The following CNIH1 variants were observed in gnomAD, a reference collection of about 807,000 sequenced individuals.
The protein encoded by CNIH1 is protein cornichon homolog 1.
CNIH1 carries 12 observed loss-of-function variants against 20.2 expected under a neutral mutation model. The ratio of observed to expected loss-of-function variants is 0.59; its 90% CI spans 0.38 to 0.96. The LOEUF is 0.96. Among genes scored for constraint, CNIH1 ranks in the 40% least tolerant of loss-of-function variants. The probability of loss-of-function intolerance (pLI) is 0.00; values close to 1 mark genes in which losing one functional copy is unlikely to be tolerated. For missense variants in CNIH1, 152 were observed against 178.8 expected (o/e 0.85, Z 0.85); for synonymous variants, 69 against 63.3 (o/e 1.09, Z -0.43).
intron 2 of CNIH1, among the ~76,000 whole-genome samples, chr14:54,435,701 A>G (rs190692180): frequency 1.3e-5 from 2 of 152,342 alleles, no homozygotes; most frequent in Admixed American, 1.3e-4. Flanking sequence ...CAAACCAAAG[A>G]TAAAACTAGA....
intron 3 of CNIH1, among the ~76,000 whole-genome samples, chr14:54,431,220 C>T (rs1242503430): frequency 6.6e-6 from 1 of 151,964 alleles, no homozygotes; most frequent in African/African-American, 2.4e-5. Flanking sequence ...ACTCTGCCTC[C>T]CAGCCTGAAG....
chr14:54,435,947 T>C (rs1477147250), intron 2 of CNIH1: 5 of 592,228 alleles, frequency 8.4e-6, no homozygotes, highest in Non-Finnish European at 1.5e-5. Context: ...AAATATGAAA[T>C]TTCATGAAAT....
intron 1 of CNIH1, among the ~76,000 whole-genome samples, chr14:54,439,333 A>G (rs951241976): frequency 2.6e-5 from 4 of 152,060 alleles, no homozygotes; most frequent in Non-Finnish European, 4.4e-5. Context: ...TACTTCACCC[A>G]GACACGCATT....
rs1157499117 is a variant in CNIH1, at chr14:54,426,463, T to C, written c.*1351A>G. On this transcript the variant is annotated 3_prime_UTR_variant, in exon 5 of 5. Coordinates refer to ENST00000216416, the MANE Select transcript of CNIH1 (RefSeq NM_005776.3). ...ATTGGTTCTCTTTCTTTTGATCCTC[T>C]TCTCAAGAAACTTCCAAACCACTTA... 1 of 152,192 alleles carries C rather than the reference T, an allele frequency of 6.6e-6. No individual in the cohort carries two copies. Among genetic ancestry groups the C allele is most frequent in the African/African-American group, 2.4e-5 (1 of 41,464 alleles). 9.4% of individuals were successfully genotyped at this position (152,192 alleles called of 1,614,324 possible).
At chr14:54,439,428 T>C (rs1453433328) in intron 1 of CNIH1, among the ~76,000 whole-genome samples, 1 of 151,834 alleles carries the variant, frequency 6.6e-6, no homozygotes, top group Non-Finnish European at 1.5e-5. Flanking sequence ...AACGTAAAAA[T>C]GTGAAAAAGC....
chr14:54,441,313 G>T lies in CNIH1; in HGVS notation c.15C>A (p.Phe5Leu). The T allele has an allele frequency of 6.6e-7, 1 of 1,513,888 alleles. No individual in the cohort carries two copies. The highest frequency in any genetic ancestry group is 8.9e-7 in the Non-Finnish European group (1 of 1,126,790). 93.8% of individuals were successfully genotyped at this position (1,513,888 alleles called of 1,614,324 possible). A position where few individuals can be genotyped will look rare whatever the true frequency, so the allele number is the denominator to read the frequency against. MAFTFAAFCYMLALL... is the reference protein window; with the variant it reads MAFTLAAFCYMLALL... ...GCGCCAGCATGTAGCAGAAGGCCGCGAACGTGAACGCCATGGCTGGGGAGG... is the reference window on the plus strand; with the variant it reads ...GCGCCAGCATGTAGCAGAAGGCCGCTAACGTGAACGCCATGGCTGGGGAGG... The change falls in exon 1 of 5, where the codon TTC becomes TTA. Residue 5 changes from phenylalanine to leucine, a missense_variant. By Grantham distance (22) the Phe-to-Leu change is conservative. Transcript: ENST00000216416.
chr14:54,436,078 C>T (rs1449190175), intron 2 of CNIH1: 2 of 702,210 alleles, frequency 2.8e-6, no homozygotes, highest in East Asian at 2.7e-5. Context: ...GCAGTACACA[C>T]CTTTAATGCA....
chr14:54,441,274 G>C lies in CNIH1; in HGVS notation c.54C>G (p.Ala18=), dbSNP rs1300756302. The C allele has an allele frequency of 5.3e-6, 8 of 1,521,096 alleles. No individual in the cohort carries two copies. The highest frequency in any genetic ancestry group is 1.4e-5 in the African/African-American group (1 of 69,824). The allele number at this position is 1,521,096 out of a possible 1,614,324, so 94.2% of individuals were successfully genotyped here. Residue 18 remains alanine (A), a synonymous_variant, in exon 1 of 5, where the codon GCC becomes GCG. Transcript: ENST00000216416. ...FCYMLALLLT[A]ALIFFAIWHI... The stretch of plus-strand genomic sequence containing the variant: ...GCCAAATGGCGAAGAAGATGAGCGC[G>C]GCAGTGAGCAGCAGCGCCAGCATGT...
In CNIH1 at chr14:54,440,479, T is replaced by C. The variant is rs183321647; in HGVS notation, c.81+768A>G. Among the ~76,000 whole-genome samples, 35 of 152,308 alleles carry C rather than the reference T, an allele frequency of 2.3e-4. 1 individual carries two copies. The East Asian group carries it at 6.2e-3, about 27-fold the overall frequency. On this transcript the variant is annotated intron_variant, in intron 1 of 4. Transcript: ENST00000216416. The stretch of plus-strand genomic sequence containing the variant: ...TTCCACCCTGCAATAGTGATGATGA[T>C]GTGTGTAACAGAAATAAATACTGCC...
chr14:54,440,800 T>C (rs999001265), intron 1 of CNIH1, among the ~76,000 whole-genome samples: 1 of 152,248 alleles, frequency 6.6e-6, no homozygotes, highest in Admixed American at 6.5e-5. Context: ...GTAGGTTACA[T>C]TTTGGCCACA....
At chr14:54,441,031 T>C (rs114089220) in intron 1 of CNIH1, among the ~76,000 whole-genome samples, 8,248 of 151,872 alleles carry the variant, frequency 0.054, 516 homozygotes, top group African/African-American at 0.14. Context: ...GCGCGGCCTG[T>C]GCCGAGGCAA....
In CNIH1 at chr14:54,427,544, A is replaced by C; in HGVS notation, c.*270T>G. On this transcript the variant is annotated 3_prime_UTR_variant, in exon 5 of 5. Coordinates refer to ENST00000216416, the MANE Select transcript of CNIH1 (RefSeq NM_005776.3). ...AGAGGATTATGGCTGTTCCTTAAGA[A>C]GTGCAAGTTCAAACCTGTCAACACC... The C allele has an allele frequency of 2.2e-6, 1 of 450,376 alleles. No homozygotes were observed. Among genetic ancestry groups the C allele is most frequent in the Non-Finnish European group, 3.9e-6 (1 of 254,286 alleles). The allele number at this position is 450,376 out of a possible 1,614,324, so 27.9% of individuals were successfully genotyped here.
chr14:54,441,373 A>T lies in CNIH1; in HGVS notation c.-46T>A. 1 of 1,465,016 alleles carries T rather than the reference A, an allele frequency of 6.8e-7. No individual in the cohort carries two copies. The highest frequency in any genetic ancestry group is 9.1e-7 in the Non-Finnish European group (1 of 1,095,622). 90.8% of individuals were successfully genotyped at this position (1,465,016 alleles called of 1,614,324 possible). A position where few individuals can be genotyped will look rare whatever the true frequency, so the allele number is the denominator to read the frequency against. On this transcript the variant is annotated 5_prime_UTR_variant, in exon 1 of 5. Coordinates refer to ENST00000216416, the MANE Select transcript of CNIH1 (RefSeq NM_005776.3). ...GAGCGGCGCCGTTGCCAGCGGAGAA[A>T]GGCGGCGCAGGGCCCTCTGGGTAAA...
chr14:54,440,708 A>G (rs1464139137), intron 1 of CNIH1, among the ~76,000 whole-genome samples: 1 of 152,210 alleles, frequency 6.6e-6, no homozygotes. Context: ...GGAAACAACA[A>G]TCTGGAAAAA....
In CNIH1 at chr14:54,432,088, A is replaced by G; in HGVS notation, c.263+20T>C. 2 of 1,275,956 alleles carry G rather than the reference A, an allele frequency of 1.6e-6. No homozygotes were observed. The highest frequency in any genetic ancestry group is 2.1e-6 in the Non-Finnish European group (2 of 949,692). The allele number at this position is 1,275,956 out of a possible 1,614,324, so 79.0% of individuals were successfully genotyped here. On this transcript the variant is annotated intron_variant, in intron 3 of 4. Transcript: ENST00000216416. The stretch of plus-strand genomic sequence containing the variant: ...TAAGTTTTAATTTAAAAAAATATTA[A>G]AAGTGTATCTAAATATTACCTCCAA...
At chr14:54,439,539 ACTTT>A (rs762752719) in intron 1 of CNIH1, among the ~76,000 whole-genome samples, 67 of 150,326 alleles carry the variant, frequency 4.5e-4, no homozygotes, top group Admixed American at 6.0e-4. Flanking sequence ...GGAACCACAC[ACTTT>A]CTTTCTTTCT....
intron 2 of CNIH1, among the ~76,000 whole-genome samples, chr14:54,435,879 G>A (rs781285382): frequency 9.2e-5 from 14 of 151,956 alleles, no homozygotes; most frequent in Admixed American, 5.9e-4. Flanking sequence ...ATAAAAAAAC[G>A]CATACGCATT....
chr14:54,441,092 C>G (rs1186903822), intron 1 of CNIH1, among the ~76,000 whole-genome samples, 155 bp downstream of exon 1: 2 of 151,438 alleles, frequency 1.3e-5, no homozygotes, highest in Non-Finnish European at 2.9e-5. Flanking sequence ...CCAGTACCCG[C>G]GGCCCCCAGA....
chr14:54,432,791 G>A (rs976317298), intron 2 of CNIH1, among the ~76,000 whole-genome samples: 1 of 152,156 alleles, frequency 6.6e-6, no homozygotes, highest in Non-Finnish European at 1.5e-5. Context: ...GTGAGGGGAA[G>A]AACACTAATA....
Sources: gnomAD v4.1 joint callset for allele counts (sites outside exome capture counted in the v4.1 genomes callset) on GRCh38, gnomAD v4.1.1 for gene constraint, MANE v1.5 for transcripts, NCBI Gene and HGNC (gene_info 2026-07-23, HGNC 2026-07-21) for gene names.